The following NAALADL2 variants were observed in gnomAD, a reference collection of about 807,000 sequenced individuals.
NAALADL2 encodes inactive N-acetylated-alpha-linked acidic dipeptidase-like protein 2.
Under a neutral mutation model 87.2 loss-of-function variants are expected in NAALADL2, and 76 were observed. That is an observed-to-expected ratio of 0.87 (90% CI 0.72 to 1.05). NAALADL2 has a LOEUF of 1.05. NAALADL2 is among the 50% of genes least tolerant of loss of function. The pLI, the probability that NAALADL2 is intolerant of heterozygous loss-of-function variation, is 0.00. For synonymous variants in NAALADL2, 354 were observed against 331.0 expected (o/e 1.07, Z -0.75); for missense variants, 1,089 against 945.8 (o/e 1.15, Z -1.99).
chr3:175,785,812 C>T (rs1252671854), intron 13 of NAALADL2, among the ~76,000 whole-genome samples: 2 of 150,850 alleles, frequency 1.3e-5, no homozygotes, highest in African/African-American at 2.5e-5. Context: ...ATGGTCTTTA[C>T]ATTTTGGCAT....
At chr3:174,733,696 C>A (rs1015572042) in intron 2 of NAALADL2, among the ~76,000 whole-genome samples, 1 of 152,144 alleles carries the variant, frequency 6.6e-6, no homozygotes, top group African/African-American at 2.4e-5. Context: ...ACAAGTATTG[C>A]CATGGAAGAA....
rs547349588 is a variant in NAALADL2 at position 174,814,994 on chromosome 3, T to C, written c.-9+77248T>C. ...CTGTTCTGTGACATTTTATAACACG[T>C]ATTTCTATATAACATGTTGAATGTT... On this transcript the variant is annotated intron_variant, in intron 3 of 3. Coordinates refer to the NAALADL2 transcript ENST00000434257. Among the ~76,000 whole-genome samples, 34 of 152,356 alleles carry C rather than the reference T, an allele frequency of 2.2e-4. 1 individual carries two copies. In the South Asian group the frequency reaches 6.6e-3, roughly 30 times the overall value.
intron 3 of NAALADL2, among the ~76,000 whole-genome samples, chr3:174,799,916 G>A (rs978620845): frequency 2.0e-5 from 3 of 152,184 alleles, no homozygotes; most frequent in Admixed American, 1.3e-4. Flanking sequence ...CTCTTGTTAT[G>A]TTTCAGCAAA....
At chr3:175,726,888 G>A (rs997444881) in intron 11 of NAALADL2, among the ~76,000 whole-genome samples, 1 of 152,092 alleles carries the variant, frequency 6.6e-6, no homozygotes, top group African/African-American at 2.4e-5. Flanking sequence ...CCCAGCCATT[G>A]GTTTCTTGAC....
At chr3:175,388,026 C>T (rs935979702) in intron 5 of NAALADL2, among the ~76,000 whole-genome samples, 25 of 152,028 alleles carry the variant, frequency 1.6e-4, no homozygotes, top group African/African-American at 6.0e-4. Context: ...CCACCATTCT[C>T]GGTAACTATC....
At chr3:175,199,448 C>A (rs746145128) in intron 2 of NAALADL2, among the ~76,000 whole-genome samples, 1 of 152,010 alleles carries the variant, frequency 6.6e-6, no homozygotes, top group Non-Finnish European at 1.5e-5. Context: ...GGTTATAATG[C>A]TTTCTTTACA....
chr3:175,793,773 T>C (rs1753119533), intron 13 of NAALADL2, among the ~76,000 whole-genome samples: 1 of 152,222 alleles, frequency 6.6e-6, no homozygotes. Context: ...CACGTTTGGC[T>C]TCCAACCTAG....
intron 11 of NAALADL2, among the ~76,000 whole-genome samples, chr3:175,654,932 CTTT>C (rs75686469): frequency 3.5e-5 from 5 of 141,962 alleles, no homozygotes; most frequent in Non-Finnish European, 4.6e-5. Flanking sequence ...TGCAAGATAT[CTTT>C]TTTTTTTTTT....
At chr3:175,335,729 A>G (rs1011707362) in intron 5 of NAALADL2, among the ~76,000 whole-genome samples, 1 of 152,170 alleles carries the variant, frequency 6.6e-6, no homozygotes, top group African/African-American at 2.4e-5. Flanking sequence ...CTTGTATGAA[A>G]AATTGTGTTG....
At chr3:174,881,808 A>G (rs370984049) in intron 1 of NAALADL2, among the ~76,000 whole-genome samples, 1 of 152,144 alleles carries the variant, frequency 6.6e-6, no homozygotes, top group African/African-American at 2.4e-5. Context: ...TCTGGGTCGG[A>G]TAAGTATGTG....
chr3:175,206,753 A>G (rs1291639745), intron 2 of NAALADL2, among the ~76,000 whole-genome samples: 1 of 152,158 alleles, frequency 6.6e-6, no homozygotes, highest in Non-Finnish European at 1.5e-5. Flanking sequence ...GAATGATGCT[A>G]GAAGTCGTTG....
chr3:175,499,848 T>G (rs1283894784), intron 9 of NAALADL2, among the ~76,000 whole-genome samples: 3 of 152,096 alleles, frequency 2.0e-5, no homozygotes, highest in African/African-American at 7.2e-5. Context: ...ATGTATTTTC[T>G]TTATTATAAA....
chr3:175,602,302 G>T (rs1723068890), intron 10 of NAALADL2, among the ~76,000 whole-genome samples: 1 of 151,974 alleles, frequency 6.6e-6, no homozygotes, highest in African/African-American at 2.4e-5. Flanking sequence ...ATTAGTTAAT[G>T]ATTAATCACT....
intron 11 of NAALADL2, among the ~76,000 whole-genome samples, chr3:175,735,196 T>G (rs773043736): frequency 2.0e-5 from 3 of 152,204 alleles, no homozygotes; most frequent in Non-Finnish European, 4.4e-5. Flanking sequence ...AGAGTCACCT[T>G]TGCTCCAGTT....
At chr3:175,199,842 A>G (rs1380594890) in intron 2 of NAALADL2, among the ~76,000 whole-genome samples, 196 of 16,312 alleles carry the variant, frequency 0.012, 20 homozygotes, top group African/African-American at 0.03. Context: ...ATATATATAT[A>G]TATATATATA....
At chr3:175,677,510 T>TGC (rs1734978478) in intron 11 of NAALADL2, among the ~76,000 whole-genome samples, 2 of 151,518 alleles carry the variant, frequency 1.3e-5, no homozygotes, top group Admixed American at 6.6e-5. Context: ...TGTGTGTGTG[T>TGC]GTGTGTGTCT....
intron 1 of NAALADL2, among the ~76,000 whole-genome samples, chr3:174,943,978 G>T (rs1375242812): frequency 6.6e-6 from 1 of 152,124 alleles, no homozygotes; most frequent in Non-Finnish European, 1.5e-5. Context: ...GGAGGCCCAG[G>T]CCTGGGGGAT....
Position 175,805,814 on chromosome 3 carries a change from G to C in NAALADL2, c.*2611G>C, listed in dbSNP as rs544735848. The C allele has an allele frequency of 6.6e-6, 1 of 151,990 alleles. No individual in the cohort carries two copies. The highest frequency in any genetic ancestry group is 6.6e-5 in the Admixed American group (1 of 15,210). 9.4% of individuals were successfully genotyped at this position (151,990 alleles called of 1,614,324 possible). A position where few individuals can be genotyped will look rare whatever the true frequency, so the allele number is the denominator to read the frequency against. ...TAACGGTGAAATTTATGTTCAGGCAGGGTACACATGAGATACTGCCCTTTA... is the reference window on the plus strand; with the variant it reads ...TAACGGTGAAATTTATGTTCAGGCACGGTACACATGAGATACTGCCCTTTA... On this transcript the variant is annotated 3_prime_UTR_variant, in exon 14 of 14. Transcript: ENST00000454872.
chr3:175,284,032 C>CAAAA (rs532617378), intron 4 of NAALADL2, among the ~76,000 whole-genome samples: 12 of 152,126 alleles, frequency 7.9e-5, no homozygotes, highest in South Asian at 4.1e-4. Flanking sequence ...GTCCCATTAT[C>CAAAA]AAAAAACTCG....
Sources: gnomAD v4.1 joint callset for allele counts (sites outside exome capture counted in the v4.1 genomes callset) on GRCh38, gnomAD v4.1.1 for gene constraint, MANE v1.5 for transcripts, NCBI Gene and HGNC (gene_info 2026-07-23, HGNC 2026-07-21) for gene names.